Variants in IL1R1 observed in about 807,000 individuals in gnomAD.
The protein encoded by IL1R1 is interleukin 1 receptor type 1.
IL1R1 carries 22 observed loss-of-function variants against 50.2 expected under a neutral mutation model. The ratio of observed to expected loss-of-function variants is 0.44; its 90% CI spans 0.31 to 0.63. The LOEUF is 0.63. Ranked by LOEUF, IL1R1 falls within the 20% of genes least tolerant of loss-of-function variation. IL1R1 has a pLI of 0.07. For synonymous variants in IL1R1, 251 were observed against 236.7 expected (o/e 1.06, Z -0.55); for missense variants, 509 against 676.2 (o/e 0.75, Z 2.74).
At chr2:102,087,602 T>C (rs1679483546) in intron 1 of IL1R1, among the ~76,000 whole-genome samples, 1 of 152,152 alleles carries the variant, frequency 6.6e-6, no homozygotes, top group Admixed American at 6.5e-5. Flanking sequence ...GTTCTCATGA[T>C]AGTGAGTGTG....
At chr2:102,143,370 G>A (rs779345678) in intron 1 of IL1R1, among the ~76,000 whole-genome samples, 1 of 152,186 alleles carries the variant, frequency 6.6e-6, no homozygotes, top group Non-Finnish European at 1.5e-5. Context: ...GCTCAGGACC[G>A]TCAGTCTCCT....
chr2:102,147,193 G>C (rs1028201271), intron 1 of IL1R1, among the ~76,000 whole-genome samples: 1 of 152,176 alleles, frequency 6.6e-6, no homozygotes, highest in Non-Finnish European at 1.5e-5. Flanking sequence ...GGTGCACACA[G>C]TTGTTGCAAT....
intron 1 of IL1R1, among the ~76,000 whole-genome samples, chr2:102,123,475 A>G (rs1239741901): frequency 2.6e-5 from 4 of 152,168 alleles, no homozygotes; most frequent in African/African-American, 9.7e-5. Context: ...GTATCAAAAT[A>G]ATACTTTGTT....
chr2:102,104,833 C>T (rs1275903595), exon 1 of IL1R1: 1 of 152,210 alleles, frequency 6.6e-6, no homozygotes, highest in Admixed American at 6.5e-5. Context: ...CCTGGGAGGC[C>T]AGCCATTCCC....
chr2:102,138,457 A>T (rs573226079), upstream of IL1R1, among the ~76,000 whole-genome samples: 39 of 152,314 alleles, frequency 2.6e-4, no homozygotes, highest in South Asian at 8.3e-4. Flanking sequence ...ATTGCCTATG[A>T]CCGTCTTATG....
At chr2:102,143,365 G>C (rs1682841952) in intron 1 of IL1R1, among the ~76,000 whole-genome samples, 1 of 152,188 alleles carries the variant, frequency 6.6e-6, no homozygotes, top group African/African-American at 2.4e-5. Flanking sequence ...GTTAGGCTCA[G>C]GACCGTCAGT....
intron 3 of IL1R1, among the ~76,000 whole-genome samples, chr2:102,162,929 T>C (rs1420922404): frequency 1.3e-5 from 2 of 152,166 alleles, no homozygotes; most frequent in Non-Finnish European, 2.9e-5. Flanking sequence ...TTTCTTGTAA[T>C]GCAGGTCTAC....
chr2:102,124,599 C>T (rs908290873), intron 1 of IL1R1, among the ~76,000 whole-genome samples: 18 of 152,158 alleles, frequency 1.2e-4, no homozygotes, highest in Admixed American at 1.1e-3. Context: ...GAAGTGAGAG[C>T]ACAGGAAAAA....
chr2:102,111,097 G>C (rs1011520258), intron 1 of IL1R1, among the ~76,000 whole-genome samples: 1 of 139,026 alleles, frequency 7.2e-6, no homozygotes, highest in South Asian at 2.1e-4. Context: ...AGGTGAGCTG[G>C]AGACAGAGGC....
intron 1 of IL1R1, among the ~76,000 whole-genome samples, chr2:102,122,935 A>C (rs1277024654): frequency 5.3e-5 from 8 of 152,228 alleles, no homozygotes; most frequent in African/African-American, 2.4e-5. Context: ...TGGGTCTAGC[A>C]AATATTCTTG....
At chr2:102,134,429 G>T (rs1682225199) in intron 1 of IL1R1, among the ~76,000 whole-genome samples, 2 of 151,380 alleles carry the variant, frequency 1.3e-5, no homozygotes, top group African/African-American at 4.9e-5. Context: ...CCAGGCTGGA[G>T]CGCAATGGCA....
chr2:102,100,564 G>A (rs751383884), upstream of IL1R1, among the ~76,000 whole-genome samples: 1 of 152,200 alleles, frequency 6.6e-6, no homozygotes, highest in Non-Finnish European at 1.5e-5. Context: ...GCATTTAACT[G>A]TGGTAATCTC....
intron 1 of IL1R1, among the ~76,000 whole-genome samples, chr2:102,088,699 T>A (rs960580331): frequency 5.9e-5 from 9 of 152,362 alleles, no homozygotes; most frequent in African/African-American, 2.2e-4. Context: ...TAGATGGCAT[T>A]TTCTTCCAAC....
intron 1 of IL1R1, among the ~76,000 whole-genome samples, chr2:102,151,528 C>T (rs1182391582): frequency 1.3e-5 from 2 of 152,168 alleles, no homozygotes; most frequent in African/African-American, 4.8e-5. Flanking sequence ...GGATGGGCCT[C>T]CTCATGGGTG....
chr2:102,142,697 C>G (rs1468822052), upstream of IL1R1: 1 of 151,520 alleles, frequency 6.6e-6, no homozygotes, highest in Non-Finnish European at 1.5e-5. Context: ...CGTCTCCGCC[C>G]GTTCCCCGCC....
Position 102,167,442 on chromosome 2 carries a change from GTTTTTTTTTTTT to G in IL1R1, c.656-1144_656-1133del, listed in dbSNP as rs3047461. ...GGGGACTATTTAAGCTAGGTTAAGT[GTTTTTTTTTTTT>G]TTTTTTTTTTTGAGATGGAGTCTCG... On this transcript the variant is annotated intron_variant, in intron 6 of 11. Transcript: ENST00000410023. 4.4e-5 allele frequency among the ~76,000 whole-genome samples: 3 copies of G among 68,942 alleles called. No homozygotes were observed. The East Asian group carries it at 1.5e-3, about 35-fold the overall frequency. 45.2% of individuals were successfully genotyped at this position (68,942 alleles called of 152,430 possible). A position where few individuals can be genotyped will look rare whatever the true frequency, so the allele number is the denominator to read the frequency against.
chr2:102,108,045 T>C (rs980698323), intron 1 of IL1R1, among the ~76,000 whole-genome samples: 3 of 152,228 alleles, frequency 2.0e-5, no homozygotes, highest in African/African-American at 7.2e-5. Context: ...AGAGGCAAGA[T>C]AGAGGCAAGC....
At chr2:102,153,750 C>T (rs1419033157) in intron 1 of IL1R1, among the ~76,000 whole-genome samples, 191 bp from the exon 2 acceptor site, 1 of 152,212 alleles carries the variant, frequency 6.6e-6, no homozygotes, top group African/African-American at 2.4e-5. Context: ...TTGTAAGTTT[C>T]CTGAGGCTTC....
chr2:102,103,502 C>T (rs556503134), upstream of IL1R1, among the ~76,000 whole-genome samples: 117 of 152,208 alleles, frequency 7.7e-4, no homozygotes, highest in Non-Finnish European at 1.5e-3. Context: ...GAGCACAAAG[C>T]GCTCTTGGAA....
Sources: allele counts gnomAD v4.1 joint callset (sites outside exome capture counted in the v4.1 genomes callset), GRCh38; gene constraint gnomAD v4.1.1; transcripts MANE v1.5; gene names NCBI Gene and HGNC (gene_info 2026-07-23, HGNC 2026-07-21).